INPP4B: variants seen among roughly 807,000 people sequenced by gnomAD.
INPP4B encodes the protein inositol polyphosphate-4-phosphatase type II B.
Under a neutral mutation model 122.5 loss-of-function variants are expected in INPP4B, and 55 were observed. The observed-to-expected ratio is 0.45, with a 90% CI of 0.36 to 0.56. The LOEUF is 0.56. Ranked by LOEUF, INPP4B falls within the 20% of genes least tolerant of loss-of-function variation. INPP4B has a pLI of 0.00. For missense variants in INPP4B, 1,000 were observed against 1,097.7 expected, an observed-to-expected ratio of 0.91 and a Z score of 1.26; for synonymous variants, 403 against 388.7, an observed-to-expected ratio of 1.04 and a Z score of -0.43.
intron 1 of INPP4B, among the ~76,000 whole-genome samples, chr4:142,778,416 A>G (rs1288178899): frequency 6.6e-6 from 1 of 152,174 alleles, no homozygotes; most frequent in African/African-American, 2.4e-5. Context: ...GTTTTCAGGT[A>G]TCTATTCCTG....
intron 9 of INPP4B, among the ~76,000 whole-genome samples, chr4:142,274,823 A>G (rs902715446): frequency 6.6e-6 from 1 of 151,580 alleles, no homozygotes. Context: ...CCAGGTCATT[A>G]CCACTGTTTA....
At chr4:142,610,590 A>G (rs904629138) in intron 2 of INPP4B, among the ~76,000 whole-genome samples, 2 of 152,166 alleles carry the variant, frequency 1.3e-5, no homozygotes, top group African/African-American at 4.8e-5. Context: ...ATTTAGACAG[A>G]GTGTTCCCTA....
chr4:142,338,558 C>T (rs368594843), intron 7 of INPP4B, among the ~76,000 whole-genome samples: 2 of 152,256 alleles, frequency 1.3e-5, no homozygotes. Context: ...AATATTGCTG[C>T]TATATGGAAA....
At chr4:142,542,838 C>A (rs1829097128) in intron 2 of INPP4B, among the ~76,000 whole-genome samples, 1 of 152,064 alleles carries the variant, frequency 6.6e-6, no homozygotes, top group African/African-American at 2.4e-5. Flanking sequence ...TAAGATGCTA[C>A]ATATACCAAT....
intron 5 of INPP4B, among the ~76,000 whole-genome samples, chr4:142,408,493 C>A (rs1044919324): frequency 1.3e-5 from 2 of 152,170 alleles, no homozygotes; most frequent in African/African-American, 2.4e-5. Context: ...GCGGAGGTTG[C>A]AGTGAGCTGA....
intron 8 of INPP4B, among the ~76,000 whole-genome samples, chr4:142,306,131 T>A (rs1036066060): frequency 6.6e-6 from 1 of 152,170 alleles, no homozygotes; most frequent in Non-Finnish European, 1.5e-5. Flanking sequence ...TACATTTTTT[T>A]AAATTGCTTT....
intron 2 of INPP4B, among the ~76,000 whole-genome samples, chr4:142,593,471 A>C (rs1408321508): frequency 6.6e-6 from 1 of 152,054 alleles, no homozygotes; most frequent in Non-Finnish European, 1.5e-5. Flanking sequence ...CATCATGTTA[A>C]TGACTCTCTG....
At chr4:142,753,466 C>T (rs1463424126) in intron 1 of INPP4B, among the ~76,000 whole-genome samples, 1 of 152,032 alleles carries the variant, frequency 6.6e-6, no homozygotes, top group East Asian at 1.9e-4. Flanking sequence ...ATTTCAACAT[C>T]AGCAATCCAG....
chr4:142,555,591 A>C (rs1165171736), intron 2 of INPP4B, among the ~76,000 whole-genome samples: 1 of 152,124 alleles, frequency 6.6e-6, no homozygotes, highest in Non-Finnish European at 1.5e-5. Flanking sequence ...CATTTCGGCC[A>C]GGCGTGGTGG....
chr4:142,595,294 G>C (rs1338074797), intron 2 of INPP4B, among the ~76,000 whole-genome samples: 1 of 152,094 alleles, frequency 6.6e-6, no homozygotes, highest in Admixed American at 6.5e-5. Flanking sequence ...AGCTCCCACA[G>C]AGAGTCTGGG....
At position 142,288,595 on chromosome 4, in the gene INPP4B, A is replaced by G. The variant is rs545489713; in HGVS notation, c.503+16863T>C. Among the ~76,000 whole-genome samples, 296 of 152,320 alleles carry G rather than the reference A, an allele frequency of 1.9e-3. 4 individuals are homozygous for G. The highest frequency in any genetic ancestry group is 0.018 in the South Asian group (89 of 4,822). On this transcript the variant is annotated intron_variant, in intron 9 of 25. Transcript: ENST00000262992. ...GAGACTCTGTCTCAGGAAGAAAAAA[A>G]AAGAAAAGGCTGATTACTGAATCTG...
intron 9 of INPP4B, among the ~76,000 whole-genome samples, chr4:142,283,497 A>G (rs896065431): frequency 6.6e-6 from 1 of 152,116 alleles, no homozygotes; most frequent in Non-Finnish European, 1.5e-5. Flanking sequence ...CCTTGTGTGA[A>G]TGTCATAGAG....
chr4:142,062,428 A>T (rs978241332), intron 25 of INPP4B, among the ~76,000 whole-genome samples: 8 of 152,104 alleles, frequency 5.3e-5, no homozygotes, highest in African/African-American at 1.9e-4. Flanking sequence ...CAATATCCAG[A>T]TTAAAAAATA....
At chr4:142,684,322 A>G (rs1181064636) in intron 2 of INPP4B, among the ~76,000 whole-genome samples, 2 of 152,088 alleles carry the variant, frequency 1.3e-5, no homozygotes, top group Non-Finnish European at 2.9e-5. Context: ...AAGGGATTGC[A>G]TGGGAATAAT....
In INPP4B at chr4:142,435,037, G is replaced by A. The variant is rs544663063; in HGVS notation, c.-126-3652C>T. ...CAGCCAGATGGGGGAGCAGTGACTG[G>A]GCCAGGATTGCTGTGTCTCAATGGA... On this transcript the variant is annotated intron_variant, in intron 3 of 25. Coordinates refer to ENST00000262992, the MANE Select transcript of INPP4B (RefSeq NM_001101669.3). Among the ~76,000 whole-genome samples, 689 of 152,262 alleles carry A rather than the reference G, an allele frequency of 4.5e-3. 2 individuals carry two copies. The highest frequency in any genetic ancestry group is 6.3e-3 in the Admixed American group (96 of 15,294).
chr4:142,063,739 C>G (rs1214185605), intron 25 of INPP4B, among the ~76,000 whole-genome samples: 1 of 152,126 alleles, frequency 6.6e-6, no homozygotes, highest in African/African-American at 2.4e-5. Flanking sequence ...TTCCTTTCAT[C>G]TTAGCACTAG....
chr4:142,060,414 C>T (rs956855479), intron 25 of INPP4B, among the ~76,000 whole-genome samples: 1 of 152,112 alleles, frequency 6.6e-6, no homozygotes, highest in Non-Finnish European at 1.5e-5. Context: ...TGCTAGATGA[C>T]AATATATACC....
intron 11 of INPP4B, among the ~76,000 whole-genome samples, chr4:142,242,557 C>T (rs1859976801): frequency 6.6e-6 from 1 of 152,110 alleles, no homozygotes; most frequent in Non-Finnish European, 1.5e-5. Flanking sequence ...TAGAAGCTAG[C>T]TTCTATTTCA....
intron 25 of INPP4B, among the ~76,000 whole-genome samples, chr4:142,050,830 T>C (rs1353932569): frequency 6.6e-6 from 1 of 151,948 alleles, no homozygotes; most frequent in Non-Finnish European, 1.5e-5. Context: ...CCACCATGGA[T>C]AACAAAATCT....
Sources: gnomAD v4.1 joint callset for allele counts (sites outside exome capture counted in the v4.1 genomes callset) on GRCh38, gnomAD v4.1.1 for gene constraint, MANE v1.5 for transcripts, NCBI Gene and HGNC (gene_info 2026-07-23, HGNC 2026-07-21) for gene names.